Variants in FLT1 observed in about 807,000 individuals in gnomAD.
FLT1 encodes the protein vascular endothelial growth factor receptor 1.
A neutral mutation model predicts 156.3 loss-of-function variants in FLT1; 49 were observed. The observed-to-expected ratio is 0.31, with a 90% confidence interval of 0.25 to 0.40. The LOEUF (loss-of-function observed/expected upper bound fraction) is 0.40, where lower values mean the gene tolerates loss of function less well. Ranked by LOEUF, FLT1 falls within the 10% of genes least tolerant of loss-of-function variation. The pLI is 1.00. For synonymous variants in FLT1, 594 were observed against 583.8 expected (o/e 1.02, Z -0.25); for missense variants, 1,322 against 1,637.2 (o/e 0.81, Z 3.32).
intron 3 of FLT1, among the ~76,000 whole-genome samples, chr13:28,448,775 A>C (rs1410338692): frequency 6.6e-6 from 1 of 152,146 alleles, no homozygotes; most frequent in Non-Finnish European, 1.5e-5. Flanking sequence ...ACTTATTTTG[A>C]ATTAAAACAG....
chr13:28,458,474 G>A (rs1879392059), intron 3 of FLT1, among the ~76,000 whole-genome samples: 1 of 152,160 alleles, frequency 6.6e-6, no homozygotes, highest in East Asian at 1.9e-4. Context: ...TCTCTCTGAG[G>A]GAATGGCCTG....
intron 1 of FLT1, among the ~76,000 whole-genome samples, chr13:28,486,370 C>A (rs1186501580): frequency 1.3e-5 from 2 of 152,222 alleles, no homozygotes; most frequent in Admixed American, 1.3e-4. Flanking sequence ...CTGCCTCCAA[C>A]AGATAGAATT....
chr13:28,305,617 A>G (rs1187318970), intron 29 of FLT1, among the ~76,000 whole-genome samples: 1 of 152,246 alleles, frequency 6.6e-6, no homozygotes, highest in Non-Finnish European at 1.5e-5. Flanking sequence ...GTGTGGGAAC[A>G]GAGCCATGCC....
intron 11 of FLT1, among the ~76,000 whole-genome samples, chr13:28,403,383 A>G (rs943818470): frequency 6.6e-6 from 1 of 152,164 alleles, no homozygotes; most frequent in African/African-American, 2.4e-5. Context: ...TTCTTTTATC[A>G]TGGGCATGTT....
chr13:28,473,532 C>A (rs894992754), intron 1 of FLT1, among the ~76,000 whole-genome samples: 1 of 151,590 alleles, frequency 6.6e-6, no homozygotes, highest in Non-Finnish European at 1.5e-5. Flanking sequence ...GTAGTCCCAG[C>A]TACTTGGGAG....
At chr13:28,484,915 T>C (rs1170218054) in intron 1 of FLT1, among the ~76,000 whole-genome samples, 2 of 132,960 alleles carry the variant, frequency 1.5e-5, no homozygotes, top group African/African-American at 5.8e-5. Flanking sequence ...TAAAATAATA[T>C]ATGTAACTCC....
At chr13:28,432,216 T>C (rs898415710) in intron 6 of FLT1, among the ~76,000 whole-genome samples, 5 of 152,078 alleles carry the variant, frequency 3.3e-5, no homozygotes, top group African/African-American at 9.7e-5. Flanking sequence ...AAAAATGTCT[T>C]TGGGAGCTGT....
intron 3 of FLT1, among the ~76,000 whole-genome samples, chr13:28,457,933 CTTT>C (rs894090277): frequency 4.4e-5 from 5 of 114,176 alleles, no homozygotes; most frequent in African/African-American, 1.1e-4. Context: ...CTTTCCTTTT[CTTT>C]TTTTTTTTTT....
In FLT1 at chr13:28,439,733, T is replaced by C. The variant is rs938665007; in HGVS notation, c.389-1388A>G. ...CAGATGGAGGCAGAGACAGGTGTGA[T>C]GCAGCGGCAAGCCAAAGAATGCCAA... On this transcript the variant is annotated intron_variant, in intron 3 of 29. Coordinates refer to ENST00000282397, the MANE Select transcript of FLT1 (RefSeq NM_002019.4). This position sits in a 1 kb window ranked among gnomAD's most constrained non-coding sequence, Gnocchi z 4.1. Among the ~76,000 whole-genome samples the C allele has an allele frequency of 1.2e-4, 18 of 152,208 alleles. No individual in the cohort carries two copies. The highest frequency in any genetic ancestry group is 4.3e-4 in the African/African-American group (18 of 41,454).
rs58634271 is a variant in FLT1 at position 28,300,521 on chromosome 13, C to CCACACACCCACA, written c.*2645_*2646insTGTGGGTGTGTG. 2,690 of 225,152 alleles carry CCACACACCCACA rather than the reference C, an allele frequency of 0.012. 11 individuals carry two copies. The highest frequency in any genetic ancestry group is 0.019 in the African/African-American group (824 of 42,810). The allele number at this position is 225,152 out of a possible 1,614,324, so 13.9% of individuals were successfully genotyped here. On this transcript the variant is annotated 3_prime_UTR_variant, in exon 30 of 30. Transcript: ENST00000282397. ...AGTTATGCACAAAACACACATACAC[C>CCACACACCCACA]CACACACACACACACACACACACAC...
At chr13:28,412,177 A>AACCG (rs1876241985) in intron 10 of FLT1, among the ~76,000 whole-genome samples, 1 of 152,226 alleles carries the variant, frequency 6.6e-6, no homozygotes. Context: ...ATCCTGTAGC[A>AACCG]GGGCCTGATG....
At chr13:28,418,511 G>C (rs1876791078) in intron 10 of FLT1, among the ~76,000 whole-genome samples, 1 of 152,122 alleles carries the variant, frequency 6.6e-6, no homozygotes, top group Admixed American at 6.5e-5. Flanking sequence ...GTCCTCTGAG[G>C]AGTCCTATGG....
intron 10 of FLT1, among the ~76,000 whole-genome samples, chr13:28,413,457 C>T (rs537115510): frequency 6.6e-6 from 1 of 151,616 alleles, no homozygotes; most frequent in African/African-American, 2.4e-5. Flanking sequence ...CCTCGTGGCC[C>T]CGCACTGGGG....
intron 14 of FLT1, among the ~76,000 whole-genome samples, chr13:28,366,555 C>T (rs1469195576): frequency 3.3e-5 from 5 of 152,012 alleles, no homozygotes; most frequent in South Asian, 2.1e-4. Flanking sequence ...CTGCAACCTC[C>T]GCCTCCTGGG....
intron 18 of FLT1, among the ~76,000 whole-genome samples, chr13:28,330,630 CTATA>C (rs1161872065): frequency 4.2e-5 from 6 of 144,546 alleles, no homozygotes; most frequent in African/African-American, 1.6e-4. Context: ...ATATATATGA[CTATA>C]TATAGTCTAT....
intron 13 of FLT1, 56 bp from the exon 14 acceptor site, chr13:28,385,087 C>G: frequency 6.5e-7 from 1 of 1,542,782 alleles, no homozygotes; most frequent in Non-Finnish European, 9.0e-7. Flanking sequence ...CTTGTATTGT[C>G]TATGCATATC....
chr13:28,423,496 CT>C (rs1877136898), intron 10 of FLT1, among the ~76,000 whole-genome samples: 1 of 138,928 alleles, frequency 7.2e-6, no homozygotes, highest in South Asian at 2.2e-4. Context: ...TTTGGCAAAA[CT>C]GCTCACTGTT....
chr13:28,327,608 C>T, intron 19 of FLT1, 58 bp from the exon 20 acceptor site: 1 of 1,236,812 alleles, frequency 8.1e-7, no homozygotes, highest in Non-Finnish European at 1.2e-6. Context: ...CAGCCATTTG[C>T]CAGCCTTCAG....
intron 3 of FLT1, among the ~76,000 whole-genome samples, chr13:28,452,831 CTA>C (rs1343380193): frequency 6.6e-6 from 1 of 151,736 alleles, no homozygotes; most frequent in Admixed American, 6.6e-5. Context: ...GCTCACAACC[CTA>C]TGAGGCAGGC....
Sources: allele counts gnomAD v4.1 joint callset (sites outside exome capture counted in the v4.1 genomes callset), GRCh38; gene constraint gnomAD v4.1.1; non-coding constraint Gnocchi (gnomAD v3.1); transcripts MANE v1.5; gene names NCBI Gene and HGNC (gene_info 2026-07-23, HGNC 2026-07-21).